PPP2R3A: variants seen among roughly 807,000 people sequenced by gnomAD.
PPP2R3A encodes the protein serine/threonine-protein phosphatase 2A regulatory subunit B'' subunit alpha.
A neutral mutation model predicts 106.9 loss-of-function variants in PPP2R3A; 80 were observed. The ratio of observed to expected loss-of-function variants is 0.75; its 90% CI spans 0.62 to 0.90. The LOEUF (loss-of-function observed/expected upper bound fraction) is 0.90. Ranked by LOEUF, PPP2R3A falls within the 40% of genes least tolerant of loss-of-function variation. The pLI is 0.00. For synonymous variants in PPP2R3A, 483 were observed against 468.3 expected, an observed-to-expected ratio of 1.03 and a Z score of -0.41; for missense variants, 1,386 against 1,350.4, an observed-to-expected ratio of 1.03 and a Z score of -0.41.
At chr3:136,018,185 T>A (rs1187618396) in intron 2 of PPP2R3A, among the ~76,000 whole-genome samples, 4 of 152,212 alleles carry the variant, frequency 2.6e-5, no homozygotes, top group African/African-American at 9.7e-5. Context: ...GAGAATAGTT[T>A]GAGCCAGGGA....
chr3:135,998,870 A>T (rs1426839361), intron 1 of PPP2R3A, among the ~76,000 whole-genome samples: 2 of 152,386 alleles, frequency 1.3e-5, no homozygotes, highest in Admixed American at 1.3e-4. Context: ...TGTAAAAAAT[A>T]CATACATTTA....
chr3:135,989,016 A>G (rs1933050362), intron 1 of PPP2R3A, among the ~76,000 whole-genome samples: 1 of 152,204 alleles, frequency 6.6e-6, no homozygotes, highest in Admixed American at 6.6e-5. Context: ...GGTTAACAAA[A>G]AAGCTGAAGG....
chr3:136,033,416 G>A (rs911154545), intron 3 of PPP2R3A, among the ~76,000 whole-genome samples: 1 of 152,142 alleles, frequency 6.6e-6, no homozygotes, highest in Non-Finnish European at 1.5e-5. Context: ...GAATTAGGGA[G>A]GGTTCCCTGT....
intron 9 of PPP2R3A, among the ~76,000 whole-genome samples, chr3:136,090,130 G>A (rs1559914349): frequency 6.6e-6 from 1 of 152,086 alleles, no homozygotes; most frequent in African/African-American, 2.4e-5. Context: ...AAGACTTCCA[G>A]TACTATGTTG....
chr3:136,139,618 C>T lies in PPP2R3A; in HGVS notation c.3330-5425C>T, dbSNP rs370593357. ...TGAGGCAGGAGAATCGCTTGAACCT[C>T]GGAGGCAGAGGTTGCAGTGAGCCGA... On this transcript the variant is annotated intron_variant, in intron 13 of 13. Coordinates refer to ENST00000264977, the MANE Select transcript of PPP2R3A (RefSeq NM_002718.5). 4.1e-5 allele frequency among the ~76,000 whole-genome samples: 6 copies of T among 144,620 alleles called. No homozygotes were observed. The East Asian group carries it at 6.1e-4, about 15-fold the overall frequency. The allele number at this position is 144,620 out of a possible 152,430, so 94.9% of individuals were successfully genotyped here. A position where few individuals can be genotyped will look rare whatever the true frequency, so the allele number is the denominator to read the frequency against.
intron 4 of PPP2R3A, among the ~76,000 whole-genome samples, chr3:136,048,617 A>T (rs1935558505): frequency 6.6e-6 from 1 of 151,574 alleles, no homozygotes; most frequent in Non-Finnish European, 1.5e-5. Context: ...GGCTGCAGTG[A>T]GCTGAGATTG....
At chr3:136,042,519 G>T (rs1345064703) in intron 4 of PPP2R3A, among the ~76,000 whole-genome samples, 1 of 152,168 alleles carries the variant, frequency 6.6e-6, no homozygotes, top group Admixed American at 6.5e-5. Context: ...TTTTTAAAAA[G>T]AGTGTATGTT....
At chr3:135,966,087 G>A (rs1289994639) in intron 1 of PPP2R3A, among the ~76,000 whole-genome samples, 3 of 152,002 alleles carry the variant, frequency 2.0e-5, no homozygotes, top group Non-Finnish European at 4.4e-5. Flanking sequence ...CCGGTCCCGG[G>A]ACACGGCACC....
chr3:136,092,359 A>G (rs1011198994), intron 10 of PPP2R3A, among the ~76,000 whole-genome samples: 11 of 152,144 alleles, frequency 7.2e-5, no homozygotes, highest in African/African-American at 2.7e-4. Flanking sequence ...AAAGATCTAA[A>G]TGAAATGAAG....
intron 7 of PPP2R3A, among the ~76,000 whole-genome samples, chr3:136,080,572 G>T (rs991164535): frequency 1.3e-5 from 2 of 152,256 alleles, no homozygotes; most frequent in Admixed American, 6.5e-5. Context: ...AAAGTGTTCT[G>T]CTTCTTACAT....
intron 2 of PPP2R3A, chr3:136,023,291 A>C (rs532470574): frequency 2.1e-4 from 235 of 1,128,674 alleles, no homozygotes; most frequent in Non-Finnish European, 2.7e-4. Context: ...GAACTAACTC[A>C]CAAGTAATTT....
At chr3:135,982,336 G>C (rs957210835) in intron 1 of PPP2R3A, among the ~76,000 whole-genome samples, 2 of 152,116 alleles carry the variant, frequency 1.3e-5, no homozygotes, top group Non-Finnish European at 2.9e-5. Flanking sequence ...ACAAACTCTT[G>C]TTGGGCCTCA....
In PPP2R3A at chr3:136,041,258, T is replaced by G. The variant is rs540882386; in HGVS notation, c.2366+296T>G. ...TTCTTGTTTTTTTTTTTGTTTTTTT[T>G]TTTGTTTTTTTTTTTTTGAGACAGA... On this transcript the variant is annotated intron_variant, in intron 4 of 13. Coordinates refer to ENST00000264977, the MANE Select transcript of PPP2R3A (RefSeq NM_002718.5). 4.0e-3 allele frequency among the ~76,000 whole-genome samples: 482 copies of G among 121,886 alleles called. 29 individuals are homozygous for G. The highest frequency in any genetic ancestry group is 0.015 in the African/African-American group (454 of 30,180). The allele number at this position is 121,886 out of a possible 152,430, so 80.0% of individuals were successfully genotyped here.
At chr3:136,044,704 A>C (rs182893268) in intron 4 of PPP2R3A, among the ~76,000 whole-genome samples, 134 of 152,290 alleles carry the variant, frequency 8.8e-4, no homozygotes, top group African/African-American at 2.9e-3. Context: ...AGACCTTTTA[A>C]GAGAAAGCAC....
rs72981499 is a variant in PPP2R3A, at chr3:136,023,874, A to G, written c.1996-2958A>G. Among the ~76,000 whole-genome samples, 1,105 of 152,240 alleles carry G rather than the reference A, an allele frequency of 7.3e-3. 11 individuals carry two copies. The highest frequency in any genetic ancestry group is 0.026 in the African/African-American group (1,083 of 41,562). ...TGCTTAAAACCTATGGCAGTGTTTC[A>G]CCAAACAAGTGCCTAACATTGACTA... On this transcript the variant is annotated intron_variant, in intron 2 of 13. Coordinates refer to ENST00000264977, the MANE Select transcript of PPP2R3A (RefSeq NM_002718.5).
chr3:136,123,648 GA>G (rs1938079603), intron 13 of PPP2R3A, among the ~76,000 whole-genome samples: 1 of 152,040 alleles, frequency 6.6e-6, no homozygotes, highest in African/African-American at 2.4e-5. Context: ...TTTTACCCAG[GA>G]AACAAACATA....
chr3:136,020,136 T>C (rs1222531713), intron 2 of PPP2R3A, among the ~76,000 whole-genome samples: 2 of 152,036 alleles, frequency 1.3e-5, no homozygotes, highest in African/African-American at 2.4e-5. Context: ...AAATCTAAAC[T>C]CTTGTCCTCA....
intron 12 of PPP2R3A, among the ~76,000 whole-genome samples, chr3:136,104,533 C>T (rs376206134): frequency 6.6e-6 from 1 of 152,032 alleles, no homozygotes; most frequent in Non-Finnish European, 1.5e-5. Flanking sequence ...CTCGAACTCC[C>T]GACCTTAGGT....
intron 5 of PPP2R3A, among the ~76,000 whole-genome samples, chr3:136,054,578 A>G (rs1356389390): frequency 6.6e-6 from 1 of 152,186 alleles, no homozygotes; most frequent in Non-Finnish European, 1.5e-5. Flanking sequence ...TCTTAACGCT[A>G]TTCTATGTGG....
Sources: allele counts gnomAD v4.1 joint callset (sites outside exome capture counted in the v4.1 genomes callset), GRCh38; gene constraint gnomAD v4.1.1; transcripts MANE v1.5; gene names NCBI Gene and HGNC (gene_info 2026-07-23, HGNC 2026-07-21).